Variants in TNRC6A observed in about 807,000 individuals in gnomAD.
The protein encoded by TNRC6A is trinucleotide repeat containing adaptor 6A.
In TNRC6A, 44 loss-of-function variants were observed where a neutral mutation model predicts 221.2. The observed-to-expected ratio is 0.20, with a 90% confidence interval of 0.16 to 0.26. The LOEUF is 0.26. Among genes scored for constraint, TNRC6A ranks in the 10% least tolerant of loss-of-function variants. The pLI is 1.00. For synonymous variants in TNRC6A, 847 were observed against 838.5 expected (o/e 1.01, Z -0.18); for missense variants, 2,199 against 2,404.4 (o/e 0.91, Z 1.79).
chr16:24,679,307 A>AT (rs914447886), intron 2 of TNRC6A, among the ~76,000 whole-genome samples: 2 of 139,838 alleles, frequency 1.4e-5, no homozygotes, highest in Admixed American at 7.2e-5. Context: ...AAGACATTGA[A>AT]TTTTTTTTTC....
rs369157593 is a variant in TNRC6A, at chr16:24,754,714, G to T, written c.142-3625G>T. On this transcript the variant is annotated intron_variant, in intron 3 of 24. Transcript: ENST00000395799. ...TGAGAAATAGGTTAATTATAGAGGGGTAGTTTAGTGTAACCTTTACTTGAA... is the reference window on the plus strand; with the variant it reads ...TGAGAAATAGGTTAATTATAGAGGGTTAGTTTAGTGTAACCTTTACTTGAA... Among the ~76,000 whole-genome samples, 8 of 152,192 alleles carry T rather than the reference G, an allele frequency of 5.3e-5. No homozygotes were observed. The South Asian group carries it at 1.7e-3, about 32-fold the overall frequency.
chr16:24,654,651 G>A (rs1455970755), intron 2 of TNRC6A, among the ~76,000 whole-genome samples: 15 of 151,938 alleles, frequency 9.9e-5, no homozygotes, highest in African/African-American at 2.7e-4. Flanking sequence ...CCCAGGAGGC[G>A]GAGGTTGCAA....
chr16:24,628,029 T>A (rs1272071325), intron 1 of TNRC6A, among the ~76,000 whole-genome samples: 1 of 152,126 alleles, frequency 6.6e-6, no homozygotes, highest in Non-Finnish European at 1.5e-5. Flanking sequence ...TTTGGATTTA[T>A]ATGTAAAATT....
intron 1 of TNRC6A, among the ~76,000 whole-genome samples, chr16:24,633,483 C>T (rs1238808071): frequency 6.6e-6 from 1 of 152,110 alleles, no homozygotes; most frequent in Admixed American, 6.6e-5. Context: ...CAATCTCCAC[C>T]TCCCGGGTTC....
At chr16:24,802,595 C>A (rs981088671) in intron 11 of TNRC6A, among the ~76,000 whole-genome samples, 4 of 152,082 alleles carry the variant, frequency 2.6e-5, no homozygotes, top group African/African-American at 9.7e-5. Context: ...CTTTAGCAGG[C>A]AGGTAAAAAT....
At chr16:24,751,889 G>A (rs540589980) in intron 3 of TNRC6A, among the ~76,000 whole-genome samples, 41 of 152,046 alleles carry the variant, frequency 2.7e-4, no homozygotes, top group Non-Finnish European at 5.1e-4. Flanking sequence ...GAGAAATTTC[G>A]TTAGAGTAGA....
intron 3 of TNRC6A, among the ~76,000 whole-genome samples, chr16:24,754,466 TCTTTTCTGTTTCATATCTAAGAAC>T (rs2057206300): frequency 6.6e-6 from 1 of 152,188 alleles, no homozygotes; most frequent in Non-Finnish European, 1.5e-5. Context: ...TGTATAACAC[TCTTTTCTGTTTCATATCTAAGAAC>T]CAGGGCTATT....
At position 24,729,687 on chromosome 16, in the gene TNRC6A, G is replaced by GCGGCGT. The variant is rs1555495646; in HGVS notation, c.-150_-149insTCGGCG. 10 of 266,522 alleles carry GCGGCGT rather than the reference G, an allele frequency of 3.8e-5. No homozygotes were observed. The highest frequency in any genetic ancestry group is 1.0e-3 in the Middle Eastern group (1 of 996). 16.5% of individuals were successfully genotyped at this position (266,522 alleles called of 1,614,324 possible). A position where few individuals can be genotyped will look rare whatever the true frequency, so the allele number is the denominator to read the frequency against. On this transcript the variant is annotated 5_prime_UTR_variant, in exon 1 of 25. Transcript: ENST00000395799. The stretch of plus-strand genomic sequence containing the variant: ...GGGGCCTGCGGCGGCGGCGGTGTCG[G>GCGGCGT]CGGCGGCGGCGGCGGCGGCGGCGGC...
chr16:24,632,299 C>A (rs1901387010), intron 1 of TNRC6A, among the ~76,000 whole-genome samples: 1 of 152,160 alleles, frequency 6.6e-6, no homozygotes, highest in Non-Finnish European at 1.5e-5. Context: ...AACCAGAATT[C>A]TTGATTTCCC....
intron 2 of TNRC6A, among the ~76,000 whole-genome samples, chr16:24,722,268 G>A (rs1331664105): frequency 6.6e-6 from 1 of 151,988 alleles, no homozygotes; most frequent in South Asian, 2.1e-4. Flanking sequence ...AAAAAATTTA[G>A]CTGAGCATGG....
chr16:24,652,020 G>T (rs1231253676), intron 2 of TNRC6A, among the ~76,000 whole-genome samples: 1 of 151,786 alleles, frequency 6.6e-6, no homozygotes, highest in East Asian at 1.9e-4. Flanking sequence ...TTCTCTCTGT[G>T]CCTCTATGAA....
intron 18 of TNRC6A, among the ~76,000 whole-genome samples, chr16:24,812,346 C>G (rs12596793): frequency 0.34 from 51,233 of 151,872 alleles, 9,149 homozygotes; most frequent in East Asian, 0.47. Flanking sequence ...GCCACCAGGC[C>G]CAGCCCGGAA....
At chr16:24,642,595 A>T (rs1487160312) in intron 2 of TNRC6A, among the ~76,000 whole-genome samples, 2 of 152,164 alleles carry the variant, frequency 1.3e-5, no homozygotes. Flanking sequence ...AGGTGGGAGG[A>T]TCACTTGAGC....
At chr16:24,718,311 G>C (rs987642937) in intron 2 of TNRC6A, among the ~76,000 whole-genome samples, 32 of 152,140 alleles carry the variant, frequency 2.1e-4, no homozygotes, top group African/African-American at 7.2e-4. Flanking sequence ...TGAATAGGAG[G>C]GGGCAGGAAT....
At position 24,766,052 on chromosome 16, in the gene TNRC6A, G is replaced by GA. The variant is rs377127123; in HGVS notation, c.163+7699dup. ...GACAAAGGAAACAGGAAGTAGATAT[G>GA]AAAAAAACATTAATGGCTATGAAAT... On this transcript the variant is annotated intron_variant, in intron 4 of 24. Coordinates refer to ENST00000395799, the MANE Select transcript of TNRC6A (RefSeq NM_014494.4). Among the ~76,000 whole-genome samples the GA allele has an allele frequency of 2.6e-5, 4 of 152,008 alleles. No individual in the cohort carries two copies. The South Asian group carries it at 6.2e-4, about 24-fold the overall frequency.
chr16:24,644,810 T>C (rs1304246824), intron 2 of TNRC6A, among the ~76,000 whole-genome samples: 1 of 152,204 alleles, frequency 6.6e-6, no homozygotes, highest in Non-Finnish European at 1.5e-5. Flanking sequence ...AATATTCTAG[T>C]TGCCACACTT....
At position 24,729,695 on chromosome 16, in the gene TNRC6A, GGCGGCGGCGGCGGCGGCGGCGGCA is replaced by G; in HGVS notation, c.-142_-119del. On this transcript the variant is annotated 5_prime_UTR_variant, in exon 1 of 25. Transcript: ENST00000395799. ...CGGCGGCGGCGGTGTCGGCGGCGGC[GGCGGCGGCGGCGGCGGCGGCGGCA>G]GCGGGTCGGTGTAGAAAATGGCGCT... 1.1e-6 allele frequency: 1 copy of G among 926,562 alleles called. No homozygotes were observed. Among genetic ancestry groups the G allele is most frequent in the Non-Finnish European group, 1.4e-6 (1 of 701,716 alleles). The allele number at this position is 926,562 out of a possible 1,614,324, so 57.4% of individuals were successfully genotyped here.
chr16:24,650,245 G>A (rs990404988), intron 2 of TNRC6A, among the ~76,000 whole-genome samples: 1 of 152,086 alleles, frequency 6.6e-6, no homozygotes, highest in Non-Finnish European at 1.5e-5. Context: ...AAAAATAATT[G>A]AATTATAATT....
At chr16:24,616,970 A>G (rs1209092483) in intron 1 of TNRC6A, among the ~76,000 whole-genome samples, 1 of 151,588 alleles carries the variant, frequency 6.6e-6, no homozygotes, top group East Asian at 1.9e-4. Context: ...AATTTTATAT[A>G]TGTTAGGCCA....
Sources: gnomAD v4.1 joint callset for allele counts (sites outside exome capture counted in the v4.1 genomes callset) on GRCh38, gnomAD v4.1.1 for gene constraint, MANE v1.5 for transcripts, NCBI Gene and HGNC (gene_info 2026-07-23, HGNC 2026-07-21) for gene names.